PLCL1: variants seen among roughly 807,000 people sequenced by gnomAD.
PLCL1 encodes inactive phospholipase C-like protein 1.
A neutral mutation model predicts 84.4 loss-of-function variants in PLCL1; 41 were observed. The ratio of observed to expected loss-of-function variants is 0.49; its 90% confidence interval spans 0.38 to 0.63. The LOEUF (loss-of-function observed/expected upper bound fraction) is 0.63, where lower values mean the gene tolerates loss of function less well. Among genes scored for constraint, PLCL1 ranks in the 30% least tolerant of loss-of-function variants. The pLI is 0.00. For synonymous variants in PLCL1, 490 were observed against 488.3 expected, an observed-to-expected ratio of 1.00 and a Z score of -0.05; for missense variants, 1,206 against 1,367.8, an observed-to-expected ratio of 0.88 and a Z score of 1.87.
At chr2:197,920,633 A>G (rs143208806) in intron 1 of PLCL1, among the ~76,000 whole-genome samples, 1 of 152,360 alleles carries the variant, frequency 6.6e-6, no homozygotes, top group East Asian at 1.9e-4. Context: ...ATGCTGCTCA[A>G]ATTATTATAG....
chr2:198,032,358 C>G (rs920308946), intron 1 of PLCL1, among the ~76,000 whole-genome samples: 3 of 152,144 alleles, frequency 2.0e-5, no homozygotes, highest in African/African-American at 7.2e-5. Flanking sequence ...CTTCCAATAC[C>G]TAATTGCCAT....
intron 1 of PLCL1, among the ~76,000 whole-genome samples, chr2:197,909,154 G>A (rs1051204806): frequency 3.3e-5 from 5 of 152,286 alleles, no homozygotes; most frequent in South Asian, 2.1e-4. Context: ...ACTGTTTTGA[G>A]CTCGGAATTT....
intron 1 of PLCL1, among the ~76,000 whole-genome samples, chr2:197,864,339 T>G (rs1351117692): frequency 6.6e-6 from 1 of 151,550 alleles, no homozygotes; most frequent in Non-Finnish European, 1.5e-5. Context: ...AAATCTCATG[T>G]CAACTCTTTC....
chr2:197,960,072 T>C (rs1278616573), intron 1 of PLCL1, among the ~76,000 whole-genome samples: 1 of 152,076 alleles, frequency 6.6e-6, no homozygotes, highest in Non-Finnish European at 1.5e-5. Context: ...ATTGTGAGTG[T>C]GTGTGGTTTA....
At chr2:197,933,178 G>C (rs973548503) in intron 1 of PLCL1, among the ~76,000 whole-genome samples, 1 of 151,876 alleles carries the variant, frequency 6.6e-6, no homozygotes, top group Non-Finnish European at 1.5e-5. Context: ...TATCAAGTTG[G>C]AGAATTATCT....
chr2:197,855,468 T>G (rs1481981220), intron 1 of PLCL1, among the ~76,000 whole-genome samples: 2 of 152,214 alleles, frequency 1.3e-5, no homozygotes, highest in Non-Finnish European at 2.9e-5. Context: ...AATAAGCCTT[T>G]TTCTTGTTCC....
chr2:197,901,066 C>T (rs1214854601), intron 1 of PLCL1, among the ~76,000 whole-genome samples: 3 of 152,056 alleles, frequency 2.0e-5, no homozygotes, highest in South Asian at 2.1e-4. Flanking sequence ...CTTTTGGGAT[C>T]GAATTTGTGA....
chr2:197,808,309 T>C (rs1690521110), intron 1 of PLCL1, among the ~76,000 whole-genome samples: 1 of 152,234 alleles, frequency 6.6e-6, no homozygotes, highest in African/African-American at 2.4e-5. Flanking sequence ...ACAAGTTGGA[T>C]ACCTGCAGTA....
rs757907878 is a variant in PLCL1, at chr2:198,088,963, C to G, written c.2821C>G (p.Pro941Ala). ...TCGGCTCATCACCAGTGACAATACT[C>G]CTTCAGTCTCACTTGTGATGAAAGA... ...SSRLITSDNT[P>A]SVSLVMKDSF... Residue 941 changes from proline to alanine, a missense_variant, in exon 3 of 6, where the codon CCT (proline) becomes GCT (alanine). By Grantham distance (27) the Pro-to-Ala change is conservative. Coordinates refer to ENST00000428675, the MANE Select transcript of PLCL1 (RefSeq NM_006226.4). The G allele has an allele frequency of 1.2e-6, 2 of 1,612,048 alleles. No individual in the cohort carries two copies. The highest frequency in any genetic ancestry group is 2.7e-5 in the African/African-American group (2 of 74,870).
intron 1 of PLCL1, among the ~76,000 whole-genome samples, chr2:197,824,501 C>A (rs1270673164): frequency 6.6e-6 from 1 of 151,878 alleles, no homozygotes; most frequent in East Asian, 1.9e-4. Context: ...ATCACTTTAG[C>A]CCAGGACCTC....
At chr2:197,922,870 A>C (rs1574950233) in intron 1 of PLCL1, among the ~76,000 whole-genome samples, 1 of 115,232 alleles carries the variant, frequency 8.7e-6, no homozygotes. Context: ...GGCGCCCCTC[A>C]CCTCCCAGAC....
At chr2:198,073,312 C>T (rs2105887137) in intron 1 of PLCL1, among the ~76,000 whole-genome samples, 1 of 152,090 alleles carries the variant, frequency 6.6e-6, no homozygotes, top group African/African-American at 2.4e-5. Flanking sequence ...GAGAGTTCAC[C>T]CTAAAGGAGT....
At chr2:198,117,192 T>C (rs1240047775) in intron 5 of PLCL1, among the ~76,000 whole-genome samples, 4 of 151,902 alleles carry the variant, frequency 2.6e-5, no homozygotes, top group Non-Finnish European at 5.9e-5. Context: ...GCTCCTTTTC[T>C]TAAGCATGTG....
intron 5 of PLCL1, among the ~76,000 whole-genome samples, chr2:198,134,096 C>T (rs756490134): frequency 6.6e-6 from 1 of 152,048 alleles, no homozygotes; most frequent in Non-Finnish European, 1.5e-5. Context: ...ATGGATGCTA[C>T]TCATTCAACT....
chr2:197,990,018 T>A (rs1031894506), intron 1 of PLCL1, among the ~76,000 whole-genome samples: 15 of 152,216 alleles, frequency 9.9e-5, no homozygotes, highest in African/African-American at 3.6e-4. Flanking sequence ...GAGTCTGGAA[T>A]GTTATTTAAT....
intron 1 of PLCL1, among the ~76,000 whole-genome samples, chr2:198,035,899 T>C (rs1691543060): frequency 6.6e-6 from 1 of 152,072 alleles, no homozygotes; most frequent in African/African-American, 2.4e-5. Context: ...TAGCCGGGCA[T>C]GGGGTGTGCA....
intron 1 of PLCL1, among the ~76,000 whole-genome samples, chr2:197,924,585 T>A (rs1356817987): frequency 2.0e-5 from 3 of 151,964 alleles, no homozygotes; most frequent in African/African-American, 7.3e-5. Flanking sequence ...GATACAGCAC[T>A]TTATAGACCA....
chr2:198,117,469 A>G (rs1364929595), intron 5 of PLCL1, among the ~76,000 whole-genome samples: 7 of 151,718 alleles, frequency 4.6e-5, no homozygotes, highest in Non-Finnish European at 1.0e-4. Flanking sequence ...TTATTCCTCC[A>G]AACTGCTTGG....
intron 5 of PLCL1, among the ~76,000 whole-genome samples, chr2:198,133,655 C>T: frequency 6.6e-6 from 1 of 151,310 alleles, no homozygotes; most frequent in Middle Eastern, 3.3e-3. Flanking sequence ...GGTGCATATT[C>T]CATAAAGTCA....
Sources: gnomAD v4.1 joint callset for allele counts (sites outside exome capture counted in the v4.1 genomes callset) on GRCh38, gnomAD v4.1.1 for gene constraint, MANE v1.5 for transcripts, NCBI Gene and HGNC (gene_info 2026-07-23, HGNC 2026-07-21) for gene names.